The following CNIH3 variants were observed in gnomAD, a reference collection of about 807,000 sequenced individuals.
The protein encoded by CNIH3 is protein cornichon homolog 3.
Under a neutral mutation model 24.1 loss-of-function variants are expected in CNIH3, and 14 were observed. The observed-to-expected ratio is 0.58, with a 90% CI of 0.38 to 0.91. The LOEUF (loss-of-function observed/expected upper bound fraction) is 0.91. CNIH3 is among the 40% of genes least tolerant of loss of function. CNIH3 has a pLI of 0.00. For synonymous variants in CNIH3, 68 were observed against 73.8 expected (o/e 0.92, Z 0.40); for missense variants, 178 against 196.8 (o/e 0.90, Z 0.57).
At chr1:224,574,916 C>G in intron 4 of CNIH3, 1 of 1,003,772 alleles carries the variant, frequency 1.0e-6, no homozygotes, top group Non-Finnish European at 1.6e-6. Context: ...CTATTGGCAT[C>G]TCCAACTTCA....
chr1:224,734,822 C>A, intron 5 of CNIH3, 116 bp downstream of exon 5: 2 of 1,059,652 alleles, frequency 1.9e-6, no homozygotes, highest in Non-Finnish European at 1.4e-6. Context: ...GAGTCATGGC[C>A]ATTCAGGTGT....
intron 1 of CNIH3, among the ~76,000 whole-genome samples, chr1:224,441,200 A>G (rs1674896217): frequency 6.6e-6 from 1 of 152,150 alleles, no homozygotes; most frequent in African/African-American, 2.4e-5. Flanking sequence ...TATTAATGTT[A>G]TGCTTCTAAA....
At chr1:224,708,040 G>A (rs1434999665) in intron 3 of CNIH3, among the ~76,000 whole-genome samples, 1 of 152,044 alleles carries the variant, frequency 6.6e-6, no homozygotes, top group Non-Finnish European at 1.5e-5. Context: ...CCCTGTCTCT[G>A]GTCACGCTGC....
At chr1:224,695,159 TC>T (rs1446029831) in intron 3 of CNIH3, among the ~76,000 whole-genome samples, 1 of 152,162 alleles carries the variant, frequency 6.6e-6, no homozygotes, top group Non-Finnish European at 1.5e-5. Flanking sequence ...CCTCACTCAA[TC>T]AGTTGAAGGC....
chr1:224,663,951 T>C (rs1047252033), intron 1 of CNIH3, among the ~76,000 whole-genome samples: 1 of 152,172 alleles, frequency 6.6e-6, no homozygotes, highest in Admixed American at 6.5e-5. Flanking sequence ...AAATCTGTTA[T>C]TGAAATGCCA....
At chr1:224,528,879 C>T (rs73133306) in intron 2 of CNIH3, among the ~76,000 whole-genome samples, 95 of 152,232 alleles carry the variant, frequency 6.2e-4, no homozygotes, top group Admixed American at 2.7e-3. Context: ...CCAACTTGCG[C>T]GTGGTCATTT....
In CNIH3 at chr1:224,519,901, T is replaced by C. The variant is rs139106518; in HGVS notation, n.16-1099T>C. The stretch of plus-strand genomic sequence containing the variant: ...TTTTGTCAGTCACAGTAGACCACAT[T>C]TCAAGTGCTTACTAGCCAATGTGGA... On this transcript the variant is annotated intron_variant and non_coding_transcript_variant, in intron 1 of 2. Coordinates refer to the CNIH3 transcript ENST00000470602. 6.3e-3 allele frequency among the ~76,000 whole-genome samples: 955 copies of C among 152,238 alleles called. 6 individuals carry two copies. The highest frequency in any genetic ancestry group is 9.1e-3 in the Non-Finnish European group (617 of 68,016).
intron 3 of CNIH3, among the ~76,000 whole-genome samples, chr1:224,689,657 C>T (rs1277138421): frequency 5.9e-5 from 9 of 152,154 alleles, no homozygotes; most frequent in Admixed American, 5.9e-4. Flanking sequence ...TTTCTTGGAA[C>T]GAGCCTCCTA....
intron 1 of CNIH3, chr1:224,435,238 C>T: frequency 5.1e-6 from 5 of 983,720 alleles, no homozygotes; most frequent in Non-Finnish European, 4.8e-6. Context: ...AACTTCCAGG[C>T]ACAGGGCTGT....
chr1:224,735,383 C>T (rs1437286204), intron 5 of CNIH3, among the ~76,000 whole-genome samples: 1 of 152,174 alleles, frequency 6.6e-6, no homozygotes, highest in African/African-American at 2.4e-5. Context: ...ACAGAGAGTG[C>T]CTTTTCCGCA....
intron 1 of CNIH3, among the ~76,000 whole-genome samples, chr1:224,462,152 T>A (rs1675941131): frequency 6.6e-6 from 1 of 152,118 alleles, no homozygotes; most frequent in African/African-American, 2.4e-5. Context: ...TCAATGAACC[T>A]ACATTGACAT....
intron 2 of CNIH3, among the ~76,000 whole-genome samples, chr1:224,534,807 C>T (rs373479035): frequency 6.6e-6 from 1 of 152,334 alleles, no homozygotes; most frequent in East Asian, 1.9e-4. Flanking sequence ...CTCACCTTTT[C>T]ACAGCCGCAT....
intron 2 of CNIH3, among the ~76,000 whole-genome samples, chr1:224,534,665 A>T (rs1679211987): frequency 6.6e-6 from 1 of 152,218 alleles, no homozygotes; most frequent in Non-Finnish European, 1.5e-5. Flanking sequence ...CAGTGGTGAG[A>T]CTAGCATGAA....
upstream of CNIH3, among the ~76,000 whole-genome samples, chr1:224,514,729 G>A (rs543868045): frequency 6.6e-6 from 1 of 152,136 alleles, no homozygotes; most frequent in East Asian, 1.9e-4. Context: ...CACTTGGGAG[G>A]GTGTGGTGGC....
Position 224,703,810 on chromosome 1 carries a change from A to G in CNIH3, c.198+18967A>G, listed in dbSNP as rs781459821. On this transcript the variant is annotated intron_variant, in intron 3 of 5. Transcript: ENST00000272133. This position sits in a 1 kb window ranked among gnomAD's most constrained non-coding sequence, Gnocchi z 4.2. ...GGATTCTGTTGACTCTGTTAGCCCCATCACCCACTGCCAGCTCATTCAGCC... is the reference window on the plus strand; with the variant it reads ...GGATTCTGTTGACTCTGTTAGCCCCGTCACCCACTGCCAGCTCATTCAGCC... Among the ~76,000 whole-genome samples, 3 of 152,210 alleles carry G rather than the reference A, an allele frequency of 2.0e-5. No individual in the cohort carries two copies. The highest frequency in any genetic ancestry group is 4.4e-5 in the Non-Finnish European group (3 of 68,030).
intron 1 of CNIH3, chr1:224,661,611 A>C: frequency 2.9e-6 from 1 of 349,788 alleles, no homozygotes; most frequent in Non-Finnish European, 5.5e-6. Flanking sequence ...CTACGTTATG[A>C]AATGTGATGA....
At chr1:224,468,974 C>G (rs1436373732) in intron 1 of CNIH3, among the ~76,000 whole-genome samples, 1 of 151,832 alleles carries the variant, frequency 6.6e-6, no homozygotes, top group Non-Finnish European at 1.5e-5. Context: ...CAGTTCCTCT[C>G]TAATCCTAGT....
intron 3 of CNIH3, among the ~76,000 whole-genome samples, chr1:224,598,973 G>T (rs1210334877): frequency 6.6e-6 from 1 of 151,996 alleles, no homozygotes; most frequent in Non-Finnish European, 1.5e-5. Context: ...GTCACTTGGG[G>T]AATAAAGAAC....
intron 1 of CNIH3, among the ~76,000 whole-genome samples, chr1:224,622,800 C>T (rs1329698602): frequency 2.6e-5 from 4 of 152,240 alleles, no homozygotes; most frequent in African/African-American, 9.6e-5. Flanking sequence ...TCACTCTAGC[C>T]CCTCTGGCTA....
Sources: gnomAD v4.1 joint callset for allele counts (sites outside exome capture counted in the v4.1 genomes callset) on GRCh38, gnomAD v4.1.1 for gene constraint, Gnocchi (gnomAD v3.1) non-coding constraint, MANE v1.5 for transcripts, NCBI Gene and HGNC (gene_info 2026-07-23, HGNC 2026-07-21) for gene names.